The following LRRC4B variants were observed in gnomAD, a reference collection of about 807,000 sequenced individuals.
LRRC4B encodes the protein leucine rich repeat containing 4B.
In LRRC4B, 1 loss-of-function variant was observed where a neutral mutation model predicts 7.3. The ratio of observed to expected loss-of-function variants is 0.14; its 90% CI spans 0.05 to 0.65. The LOEUF (loss-of-function observed/expected upper bound fraction) is 0.65, where lower values mean the gene tolerates loss of function less well. Among genes scored for constraint, LRRC4B ranks in the 30% least tolerant of loss-of-function variants. The pLI is 0.84. For synonymous variants in LRRC4B, 500 were observed against 499.2 expected (o/e 1.00, Z -0.02); for missense variants, 730 against 1,041.6 (o/e 0.70, Z 4.12).
At chr19:50,520,630 GAAA>G (rs35776740) in intron 2 of LRRC4B, among the ~76,000 whole-genome samples, 1 of 114,572 alleles carries the variant, frequency 8.7e-6, no homozygotes. Context: ...ACTCCGTCTC[GAAA>G]AAAAAAAAAA....
intron 2 of LRRC4B, among the ~76,000 whole-genome samples, chr19:50,542,218 T>TGAGG (rs1981579619): frequency 6.6e-6 from 1 of 152,056 alleles, no homozygotes; most frequent in Non-Finnish European, 1.5e-5. Flanking sequence ...GAGGACCAGG[T>TGAGG]ACCTGACTGA....
Position 50,543,215 on chromosome 19 carries a change from C to A in LRRC4B, c.297+5327G>T, listed in dbSNP as rs150770467. On this transcript the variant is annotated intron_variant, in intron 2 of 2. Coordinates refer to ENST00000652263, the MANE Select transcript of LRRC4B (RefSeq NM_001080457.2). ...GGCAGGGAACATTGCAAAGTCCCTG[C>A]CTTCATGCAGGTGGCAGCGCGGCGG... 6.3e-3 allele frequency among the ~76,000 whole-genome samples: 965 copies of A among 152,308 alleles called. 12 individuals carry two copies. The highest frequency in any genetic ancestry group is 0.021 in the African/African-American group (883 of 41,564).
intron 2 of LRRC4B, among the ~76,000 whole-genome samples, chr19:50,547,084 G>T (rs908493392): frequency 2.6e-5 from 4 of 152,210 alleles, no homozygotes; most frequent in African/African-American, 9.6e-5. Context: ...GGTGCATGGG[G>T]ACCGCACAGT....
chr19:50,554,489 C>T (rs147557276), intron 1 of LRRC4B, among the ~76,000 whole-genome samples: 1 of 152,284 alleles, frequency 6.6e-6, no homozygotes, highest in East Asian at 1.9e-4. Context: ...ACCTCAGATA[C>T]CACCTGCGTG....
chr19:50,566,168 G>C (rs918311831), intron 1 of LRRC4B, among the ~76,000 whole-genome samples: 1 of 136,120 alleles, frequency 7.3e-6, no homozygotes, highest in African/African-American at 2.7e-5. Context: ...CAGGAAGAGG[G>C]AGGTGCGGTC....
chr19:50,552,434 C>A (rs1982105665), intron 1 of LRRC4B, among the ~76,000 whole-genome samples: 1 of 152,146 alleles, frequency 6.6e-6, no homozygotes, highest in Non-Finnish European at 1.5e-5. Flanking sequence ...GGCCCCCACC[C>A]CTAGAGGAAC....
At position 50,552,702 on chromosome 19, in the gene LRRC4B, G is replaced by A. The variant is rs919927752; in HGVS notation, c.-35-3829C>T. 9.7e-3 allele frequency among the ~76,000 whole-genome samples: 405 copies of A among 41,814 alleles called. 3 individuals are homozygous for A. The highest frequency in any genetic ancestry group is 0.045 in the African/African-American group (273 of 6,076). The allele number at this position is 41,814 out of a possible 152,430, so 27.4% of individuals were successfully genotyped here. On this transcript the variant is annotated intron_variant, in intron 1 of 2. Coordinates refer to ENST00000652263, the MANE Select transcript of LRRC4B (RefSeq NM_001080457.2). ...CATCCATCCATCCGTCCATCCATCCGCCCATCCGTCCATCCGTCTATCCAT... is the reference window on the plus strand; with the variant it reads ...CATCCATCCATCCGTCCATCCATCCACCCATCCGTCCATCCGTCTATCCAT...
chr19:50,531,296 T>TC (rs1178221374), intron 2 of LRRC4B, among the ~76,000 whole-genome samples: 2 of 152,154 alleles, frequency 1.3e-5, no homozygotes, highest in Admixed American at 1.3e-4. Context: ...GGGCTGCCGG[T>TC]CCCGGGGAGC....
At chr19:50,530,021 C>A (rs1008109897) in intron 2 of LRRC4B, among the ~76,000 whole-genome samples, 2 of 151,382 alleles carry the variant, frequency 1.3e-5, no homozygotes, top group African/African-American at 2.4e-5. Flanking sequence ...AGCGGGGCTG[C>A]GGCCTTGCCC....
intron 1 of LRRC4B, among the ~76,000 whole-genome samples, chr19:50,566,641 T>A (rs973777922): frequency 4.6e-5 from 7 of 150,636 alleles, no homozygotes; most frequent in Non-Finnish European, 1.0e-4. Flanking sequence ...AGAGACTGGC[T>A]GGGCCCCTGG....
intron 2 of LRRC4B, among the ~76,000 whole-genome samples, chr19:50,524,797 G>A (rs1276911079): frequency 6.6e-6 from 1 of 152,188 alleles, no homozygotes; most frequent in African/African-American, 2.4e-5. Flanking sequence ...GCACCTCTCA[G>A]TAGCAACGCA....
Position 50,548,393 on chromosome 19 carries a change from G to T in LRRC4B, c.297+149C>A. 1 of 1,141,380 alleles carries T rather than the reference G, an allele frequency of 8.8e-7. No individual in the cohort carries two copies. Among genetic ancestry groups the T allele is most frequent in the Non-Finnish European group, 1.2e-6 (1 of 812,936 alleles). The allele number at this position is 1,141,380 out of a possible 1,614,324, so 70.7% of individuals were successfully genotyped here. ...ACTCCACCTCGGGAGCCCGGCTCCA[G>T]CTGATAGGATGCAGACCCGCAGGCC... On this transcript the variant is annotated intron_variant, in intron 2 of 2. Transcript: ENST00000652263. The surrounding 1 kb of genome is among the most constrained non-coding windows in gnomAD (Gnocchi z 6.8).
intron 2 of LRRC4B, among the ~76,000 whole-genome samples, chr19:50,530,386 A>G (rs935262984): frequency 6.6e-6 from 1 of 152,166 alleles, no homozygotes; most frequent in African/African-American, 2.4e-5. Flanking sequence ...GTTAGCCAGG[A>G]TCAGTCCTTG....
Position 50,555,427 on chromosome 19 carries a change from A to G in LRRC4B, c.-35-6554T>C. Reference sequence around the variant, plus strand: ...AGGAACAAGCCAGAGGTGCAGACACAGAAGGACCCCAAAGAGGAGAAGTAC... The same window carrying G: ...AGGAACAAGCCAGAGGTGCAGACACGGAAGGACCCCAAAGAGGAGAAGTAC... On this transcript the variant is annotated intron_variant, in intron 1 of 2. Transcript: ENST00000652263. This position sits in a 1 kb window ranked among gnomAD's most constrained non-coding sequence, Gnocchi z 5.2. 6.5e-6 allele frequency: 1 copy of G among 153,154 alleles called. No homozygotes were observed. Among genetic ancestry groups the G allele is most frequent in the East Asian group, 1.9e-4 (1 of 5,216 alleles). 9.5% of individuals were successfully genotyped at this position (153,154 alleles called of 1,614,324 possible).
At chr19:50,540,519 G>C (rs1981492658) in intron 2 of LRRC4B, among the ~76,000 whole-genome samples, 1 of 151,896 alleles carries the variant, frequency 6.6e-6, no homozygotes, top group African/African-American at 2.4e-5. Flanking sequence ...ACCATGCCTG[G>C]GTTATTTTTG....
At chr19:50,529,527 G>A (rs767815335) in intron 2 of LRRC4B, among the ~76,000 whole-genome samples, 2 of 152,184 alleles carry the variant, frequency 1.3e-5, no homozygotes, top group Non-Finnish European at 2.9e-5. Context: ...CCAAGAGGCC[G>A]GACACGGTGG....
At chr19:50,539,065 A>G (rs2122858219) in intron 2 of LRRC4B, among the ~76,000 whole-genome samples, 1 of 151,232 alleles carries the variant, frequency 6.6e-6, no homozygotes, top group Non-Finnish European at 1.5e-5. Context: ...TTTTTAGTAG[A>G]GACAGGGTTT....
intron 2 of LRRC4B, among the ~76,000 whole-genome samples, chr19:50,547,060 G>A (rs1981847452): frequency 6.6e-6 from 1 of 152,224 alleles, no homozygotes; most frequent in Non-Finnish European, 1.5e-5. Context: ...TGGAGTGCAG[G>A]GAAGCCGGGG....
chr19:50,522,462 A>ATTTATTTT (rs1386552032), intron 2 of LRRC4B, among the ~76,000 whole-genome samples: 1 of 101,590 alleles, frequency 9.8e-6, no homozygotes, highest in Non-Finnish European at 1.9e-5. Flanking sequence ...TTTATTTATT[A>ATTTATTTT]TTTATTTATT....
Sources: allele counts gnomAD v4.1 joint callset (sites outside exome capture counted in the v4.1 genomes callset), GRCh38; gene constraint gnomAD v4.1.1; non-coding constraint Gnocchi (gnomAD v3.1); transcripts MANE v1.5; gene names NCBI Gene and HGNC (gene_info 2026-07-23, HGNC 2026-07-21).